The following BAZ1A variants were observed in gnomAD, a reference collection of about 807,000 sequenced individuals.
BAZ1A encodes the protein bromodomain adjacent to zinc finger domain protein 1A.
A neutral mutation model predicts 185.2 loss-of-function variants in BAZ1A; 50 were observed. That is an observed-to-expected ratio of 0.27 (90% confidence interval 0.22 to 0.34). The LOEUF is 0.34. Ranked by LOEUF, BAZ1A falls within the 10% of genes least tolerant of loss-of-function variation. The probability of loss-of-function intolerance (pLI) is 1.00; values close to 1 mark genes in which losing one functional copy is unlikely to be tolerated. For missense variants in BAZ1A, 1,356 were observed against 1,839.9 expected (o/e 0.74, Z 4.81); for synonymous variants, 571 against 615.6 (o/e 0.93, Z 1.07).
intron 6 of BAZ1A, among the ~76,000 whole-genome samples, chr14:34,807,070 A>C (rs1450761027): frequency 6.7e-6 from 1 of 148,522 alleles, no homozygotes; most frequent in Admixed American, 6.9e-5. Context: ...TCTTTTTATT[A>C]TACATTGTTC....
intron 3 of BAZ1A, among the ~76,000 whole-genome samples, chr14:34,838,418 A>G (rs11156863): frequency 0.6 from 91,684 of 151,992 alleles, 27,789 homozygotes; most frequent in South Asian, 0.68. Flanking sequence ...GCAATATGAG[A>G]GAGCCCTGTA....
intron 2 of BAZ1A, among the ~76,000 whole-genome samples, chr14:34,870,438 T>C (rs1594922018): frequency 2.0e-5 from 3 of 152,200 alleles, no homozygotes; most frequent in African/African-American, 7.2e-5. Flanking sequence ...TATAACTAGA[T>C]TTCACACATA....
chr14:34,796,046 TC>T (rs1881173321), intron 9 of BAZ1A, among the ~76,000 whole-genome samples: 1 of 152,094 alleles, frequency 6.6e-6, no homozygotes, highest in African/African-American at 2.4e-5. Flanking sequence ...ACACATGTAA[TC>T]CCAGCACTTT....
At chr14:34,760,217 T>C (rs1378273196) in intron 24 of BAZ1A, among the ~76,000 whole-genome samples, 2 of 152,188 alleles carry the variant, frequency 1.3e-5, no homozygotes, top group Non-Finnish European at 2.9e-5. Context: ...AAAAAGTTTT[T>C]CTTCCTAGTT....
chr14:34,764,575 A>T, intron 23 of BAZ1A, 132 bp downstream of exon 23: 1 of 1,266,794 alleles, frequency 7.9e-7, no homozygotes, highest in Non-Finnish European at 1.1e-6. Context: ...TATAGGCATA[A>T]GCTACCGTGT....
chr14:34,756,755 A>G (rs1006985095), intron 25 of BAZ1A, among the ~76,000 whole-genome samples: 24 of 151,830 alleles, frequency 1.6e-4, no homozygotes, highest in Non-Finnish European at 1.5e-4. Flanking sequence ...GTGAGCCACT[A>G]CGCCTGGCCC....
At chr14:34,819,334 A>G (rs1310352601) in intron 4 of BAZ1A, among the ~76,000 whole-genome samples, 1 of 152,118 alleles carries the variant, frequency 6.6e-6, no homozygotes, top group African/African-American at 2.4e-5. Context: ...TCAATGCCCC[A>G]GAAATCCTCT....
In BAZ1A at chr14:34,874,290, T is replaced by C. The variant is rs2043004272; in HGVS notation, c.113+202A>G. The C allele has an allele frequency of 1.8e-6, 1 of 548,240 alleles. No individual in the cohort carries two copies. The allele number at this position is 548,240 out of a possible 1,614,324, so 34.0% of individuals were successfully genotyped here. A position where few individuals can be genotyped will look rare whatever the true frequency, so the allele number is the denominator to read the frequency against. Reference sequence around the variant, plus strand: ...CTCCTCCGCCACTACCAACCCGCGTTCCCCACGCGCGCCGCCGCCAGTTGG... The same window carrying C: ...CTCCTCCGCCACTACCAACCCGCGTCCCCCACGCGCGCCGCCGCCAGTTGG... On this transcript the variant is annotated intron_variant, in intron 2 of 26. Transcript: ENST00000360310. The surrounding 1 kb of genome is among the most constrained non-coding windows in gnomAD (Gnocchi z 4.7).
intron 21 of BAZ1A, 40 bp downstream of exon 21, chr14:34,771,468 CTTA>C: frequency 6.4e-7 from 1 of 1,560,820 alleles, no homozygotes; most frequent in South Asian, 1.2e-5. Flanking sequence ...CTCAAAATTA[CTTA>C]TAACACAACT....
chr14:34,859,348 T>G (rs1234226575), intron 3 of BAZ1A, among the ~76,000 whole-genome samples: 1 of 151,356 alleles, frequency 6.6e-6, no homozygotes, highest in African/African-American at 2.4e-5. Flanking sequence ...GCGGGATGAC[T>G]GCTTGAGGCT....
chr14:34,861,919 T>C lies in BAZ1A; in HGVS notation c.392+125A>G, dbSNP rs745339275. 56 of 1,101,248 alleles carry C rather than the reference T, an allele frequency of 5.1e-5. 1 individual carries two copies. Among genetic ancestry groups the C allele is most frequent in the Non-Finnish European group, 4.8e-5 (37 of 770,140 alleles). The allele number at this position is 1,101,248 out of a possible 1,614,324, so 68.2% of individuals were successfully genotyped here. ...AAACAGCTAACACCGGGGCTATCTG[T>C]GGGTTAACAGAATAGCTAGAGCATA... On this transcript the variant is annotated intron_variant, in intron 3 of 26. Coordinates refer to ENST00000360310, the MANE Select transcript of BAZ1A (RefSeq NM_013448.3).
At chr14:34,785,016 C>T (rs1019381768) in intron 14 of BAZ1A, among the ~76,000 whole-genome samples, 3 of 152,118 alleles carry the variant, frequency 2.0e-5, no homozygotes, top group African/African-American at 7.2e-5. Flanking sequence ...GCACCACACC[C>T]AGCTAATTTT....
At chr14:34,832,619 C>A (rs1221010582) in intron 3 of BAZ1A, among the ~76,000 whole-genome samples, 1 of 152,048 alleles carries the variant, frequency 6.6e-6, no homozygotes, top group Non-Finnish European at 1.5e-5. Context: ...ACTTCACACT[C>A]ACTAAGATGG....
At chr14:34,858,542 T>A (rs541181629) in intron 3 of BAZ1A, among the ~76,000 whole-genome samples, 1 of 152,260 alleles carries the variant, frequency 6.6e-6, no homozygotes, top group Non-Finnish European at 1.5e-5. Context: ...CTCGAACTCC[T>A]GACCTCAGGT....
intron 4 of BAZ1A, among the ~76,000 whole-genome samples, chr14:34,812,757 T>C (rs1200461075): frequency 6.6e-6 from 1 of 152,176 alleles, no homozygotes; most frequent in African/African-American, 2.4e-5. Context: ...GATATAAAGT[T>C]ACATAAATAT....
intron 23 of BAZ1A, among the ~76,000 whole-genome samples, chr14:34,764,322 G>A (rs1388008397): frequency 1.7e-5 from 2 of 119,072 alleles, no homozygotes; most frequent in Non-Finnish European, 3.2e-5. Context: ...ATGGAGTCTC[G>A]CTCTTGTCAC....
Position 34,764,704 on chromosome 14 carries a change from T to C in BAZ1A, c.3776+3A>G, listed in dbSNP as rs1264586605. 1.3e-6 allele frequency: 2 copies of C among 1,598,150 alleles called. No individual in the cohort carries two copies. Among genetic ancestry groups the C allele is most frequent in the Non-Finnish European group, 1.7e-6 (2 of 1,171,322 alleles). On this transcript the variant is annotated splice_donor_region_variant and intron_variant, in intron 23 of 26. Coordinates refer to ENST00000360310, the MANE Select transcript of BAZ1A (RefSeq NM_013448.3). ...ACTCATTTTATTGCATGTTAGGACT[T>C]ACCTGACTTCTTCCTCTTCTTGAGA...
chr14:34,785,435 T>G (rs1484697966), intron 14 of BAZ1A, among the ~76,000 whole-genome samples: 6 of 152,188 alleles, frequency 3.9e-5, no homozygotes, highest in Middle Eastern at 3.2e-3. Context: ...CTGTTTCTCA[T>G]ACCTCAAACA....
intron 10 of BAZ1A, 123 bp from the exon 11 acceptor site, chr14:34,795,010 C>T (rs1566566208): frequency 3.1e-6 from 4 of 1,297,832 alleles, no homozygotes; most frequent in African/African-American, 1.5e-5. Context: ...GGTTCTCAAC[C>T]CTTGCTGTTT....
Sources: gnomAD v4.1 joint callset for allele counts (sites outside exome capture counted in the v4.1 genomes callset) on GRCh38, gnomAD v4.1.1 for gene constraint, Gnocchi (gnomAD v3.1) non-coding constraint, MANE v1.5 for transcripts, NCBI Gene and HGNC (gene_info 2026-07-23, HGNC 2026-07-21) for gene names.